Variants in CD320 observed in about 807,000 individuals in gnomAD.
CD320 encodes the protein CD320 molecule.
CD320 carries 16 observed loss-of-function variants against 22.1 expected under a neutral mutation model. The observed-to-expected ratio is 0.73, with a 90% CI of 0.49 to 1.10. The LOEUF (loss-of-function observed/expected upper bound fraction) is 1.10. Ranked by LOEUF, CD320 falls within the 50% of genes least tolerant of loss-of-function variation. The probability of loss-of-function intolerance (pLI) is 0.00; values close to 1 mark genes in which losing one functional copy is unlikely to be tolerated. For missense variants in CD320, 388 were observed against 376.9 expected, an observed-to-expected ratio of 1.03 and a Z score of -0.24; for synonymous variants, 188 against 167.8, an observed-to-expected ratio of 1.12 and a Z score of -0.93.
chr19:8,303,981 T>C lies in CD320; in HGVS notation c.376A>G (p.Asn126Asp). The C allele has an allele frequency of 6.3e-7, 1 of 1,577,252 alleles. No homozygotes were observed. The highest frequency in any genetic ancestry group is 8.6e-7 in the Non-Finnish European group (1 of 1,161,702). Residue 126 changes from asparagine (N) to aspartate (D), a missense_variant, in exon 3 of 5, where the codon AAC (asparagine) becomes GAC (aspartate). Physicochemically the swap from Asn to Asp is conservative, Grantham distance 23 (BLOSUM62 1). Coordinates refer to ENST00000301458, the MANE Select transcript of CD320 (RefSeq NM_016579.4). ...GCTAGGCAGGCCAGGCGGCTGCAGT[T>C]GCGCAGTTTCTTGTCAGTTCCCCCA... The part of the protein sequence containing the change: ...CSGGTDKKLR[N>D]CSRLACLAGE...
rs777346987 is a variant in CD320 at position 8,303,842 on chromosome 19, C to T, written c.502+13G>A. The T allele has an allele frequency of 5.1e-6, 8 of 1,564,850 alleles. No homozygotes were observed. The Admixed American group carries it at 9.1e-5, about 18-fold the overall frequency. ...TCTACCCACGAGTCCACCCCAGCCC[C>T]GCAGGTGCATACCACAGCCGAGCTC... On this transcript the variant is annotated intron_variant, in intron 3 of 4. Coordinates refer to ENST00000301458, the MANE Select transcript of CD320 (RefSeq NM_016579.4).
At position 8,302,384 on chromosome 19, in the gene CD320, G is replaced by T; in HGVS notation, c.*79C>A. The T allele has an allele frequency of 6.4e-7, 1 of 1,566,470 alleles. No homozygotes were observed. ...CAGGTCTCTGAGGGCTGGTGTGCCCGGGTACCCATCCGCATCACTGCTCTC... is the reference window on the plus strand; with the variant it reads ...CAGGTCTCTGAGGGCTGGTGTGCCCTGGTACCCATCCGCATCACTGCTCTC... On this transcript the variant is annotated 3_prime_UTR_variant, in exon 5 of 5. Transcript: ENST00000301458.
intron 1 of CD320, 147 bp from the exon 2 acceptor site, chr19:8,305,303 T>A: frequency 1.1e-6 from 1 of 946,294 alleles, no homozygotes; most frequent in Non-Finnish European, 1.6e-6. Flanking sequence ...ACTGAGCCCC[T>A]AGTACGAGTG....
intron 1 of CD320, 46 bp downstream of exon 1, chr19:8,308,103 G>T (rs1490876483): frequency 1.4e-6 from 2 of 1,429,482 alleles, no homozygotes; most frequent in Non-Finnish European, 1.8e-6. Context: ...GCGGCGGGGC[G>T]AAGCCTCGCG....
rs250511 is a variant in CD320, at chr19:8,302,620, T to C, written c.707-15A>G. The C allele has an allele frequency of 1.9e-6, 3 of 1,612,026 alleles. No individual in the cohort carries two copies. The highest frequency in any genetic ancestry group is 2.5e-6 in the Non-Finnish European group (3 of 1,178,770). On this transcript the variant is annotated splice_polypyrimidine_tract_variant and intron_variant, in intron 4 of 4. Transcript: ENST00000301458. The stretch of plus-strand genomic sequence containing the variant: ...ACTGAGCACCGCTGTGGGGAACAGA[T>C]GGACAGAGGAGTAAGGAGGGGGAAG...
rs56303780 is a variant in CD320 at position 8,303,258 on chromosome 19, A to C, written c.503-278T>G. On this transcript the variant is annotated intron_variant, in intron 3 of 4. Transcript: ENST00000301458. ...TAGCCTCCCGAGTAGCTGGGATTAC[A>C]GGTGCACGCCACCACGCCTAGCTAA... 0.15 allele frequency among the ~76,000 whole-genome samples: 23,088 copies of C among 151,786 alleles called. 2,192 individuals are homozygous for C. The highest frequency in any genetic ancestry group is 0.26 in the Admixed American group (3,903 of 15,220).
intron 2 of CD320, 27 bp downstream of exon 2, chr19:8,305,003 AG>A (rs769820143): frequency 1.2e-6 from 2 of 1,600,258 alleles, no homozygotes; most frequent in Non-Finnish European, 1.7e-6. Context: ...GCCCCCTGTA[AG>A]CCCCGCCAAG....
intron 2 of CD320, chr19:8,304,682 ATTTTTCTTTTTTTTTTC>A (rs1332585457): frequency 3.1e-4 from 57 of 181,996 alleles, no homozygotes; most frequent in East Asian, 1.8e-3. Flanking sequence ...CCTTTCTTTC[ATTTTTCTTTTTTTTTTC>A]TTTTTCTTTT....
chr19:8,306,759 G>A (rs1970094085), intron 1 of CD320, among the ~76,000 whole-genome samples: 1 of 152,198 alleles, frequency 6.6e-6, no homozygotes, highest in African/African-American at 2.4e-5. Context: ...GGGAGATCTG[G>A]CAGCCTCCAG....
intron 1 of CD320, chr19:8,305,392 G>A: frequency 2.1e-6 from 1 of 468,538 alleles, no homozygotes; most frequent in Non-Finnish European, 3.9e-6. Context: ...TACAGAGAAA[G>A]GAACCAAGAG....
At chr19:8,307,274 G>A (rs543888681) in intron 1 of CD320, among the ~76,000 whole-genome samples, 49 of 146,850 alleles carry the variant, frequency 3.3e-4, no homozygotes, top group African/African-American at 9.9e-4. Flanking sequence ...GGGCGACAGA[G>A]GGAGACTCAA....
At chr19:8,304,215 A>T (rs1053159833) in intron 2 of CD320, 127 bp from the exon 3 acceptor site, 3 of 627,952 alleles carry the variant, frequency 4.8e-6, no homozygotes, top group Non-Finnish European at 8.8e-6. Context: ...TCCCTTCCTA[A>T]GGCTCCGCCC....
In CD320 at chr19:8,306,395, C is replaced by A. The variant is rs563532230; in HGVS notation, c.143-1239G>T. On this transcript the variant is annotated intron_variant, in intron 1 of 4. Transcript: ENST00000301458. The stretch of plus-strand genomic sequence containing the variant: ...TCCAAGCTGGGTCCAGAGAAGATCC[C>A]GGCTGTCCTAGATTCTGAGCAGGGA... 1.8e-3 allele frequency among the ~76,000 whole-genome samples: 280 copies of A among 152,250 alleles called. 2 individuals are homozygous for A. Among genetic ancestry groups the A allele is most frequent in the African/African-American group, 6.4e-3 (265 of 41,540 alleles).
intron 2 of CD320, 68 bp downstream of exon 2, chr19:8,304,963 C>G: frequency 1.9e-6 from 3 of 1,577,724 alleles, no homozygotes; most frequent in South Asian, 1.1e-5. Flanking sequence ...CTCCGCGTGC[C>G]TGGCCCCTGA....
At position 8,302,156 on chromosome 19, in the gene CD320, C is replaced by T; in HGVS notation, c.*307G>A. 1 of 548,328 alleles carries T rather than the reference C, an allele frequency of 1.8e-6. No individual in the cohort carries two copies. Among genetic ancestry groups the T allele is most frequent in the South Asian group, 1.5e-5 (1 of 64,534 alleles). 34.0% of individuals were successfully genotyped at this position (548,328 alleles called of 1,614,324 possible). A position where few individuals can be genotyped will look rare whatever the true frequency, so the allele number is the denominator to read the frequency against. ...ATGTGAAGCAACTTTAATTGCCACC[C>T]TCAGACGGGGCAGCAGGAGTGTCTT... On this transcript the variant is annotated 3_prime_UTR_variant, in exon 5 of 5. Coordinates refer to ENST00000301458, the MANE Select transcript of CD320 (RefSeq NM_016579.4).
intron 1 of CD320, among the ~76,000 whole-genome samples, chr19:8,307,295 A>AG (rs1568559019): frequency 2.0e-5 from 3 of 151,040 alleles, no homozygotes; most frequent in Admixed American, 1.3e-4. Context: ...AAAAAAAAAA[A>AG]CAAAAACTTT....
In CD320 at chr19:8,305,101, T is replaced by A; in HGVS notation, c.198A>T (p.Leu66Phe). Residue 66 changes from leucine (L) to phenylalanine (F), a missense_variant, in exon 2 of 5, where the codon TTA becomes TTT. Physicochemically the swap from Leu to Phe is conservative, Grantham distance 22 (BLOSUM62 0). Coordinates refer to ENST00000301458, the MANE Select transcript of CD320 (RefSeq NM_016579.4). ...CGCAGCGCCAGGTGAGGGGCACGCATAAGCCACTGGTGCGGCACTGGAACT... is the reference window on the plus strand; with the variant it reads ...CGCAGCGCCAGGTGAGGGGCACGCAAAAGCCACTGGTGCGGCACTGGAACT... ...PTKFQCRTSG[L>F]CVPLTWRCDR... 6.2e-7 allele frequency: 1 copy of A among 1,613,202 alleles called. No homozygotes were observed. The highest frequency in any genetic ancestry group is 8.5e-7 in the Non-Finnish European group (1 of 1,179,834).
Position 8,305,154 on chromosome 19 carries a change from G to C in CD320, c.145C>G (p.Pro49Ala), listed in dbSNP as rs1013304583. ...STPTSAQAAG[P>A]SSGSCPPTKF... ...GTGGGTGGGCACGAGCCTGAGCTGG[G>C]GCCTGCGAGATGGATGCAAATGAAG... The change falls in exon 2 of 5, where the codon CCC (proline) becomes GCC (alanine). Residue 49 changes from proline to alanine, a missense_variant and splice_region_variant. Coordinates refer to ENST00000301458, the MANE Select transcript of CD320 (RefSeq NM_016579.4). 1.9e-6 allele frequency: 3 copies of C among 1,600,638 alleles called. No homozygotes were observed. The Admixed American group carries it at 5.2e-5, about 28-fold the overall frequency.
In CD320 at chr19:8,303,133, TG is replaced by T. The variant is rs1339817620; in HGVS notation, c.503-154del. Among the ~76,000 whole-genome samples the T allele has an allele frequency of 2.3e-3, 338 of 148,848 alleles. 2 individuals carry two copies. The highest frequency in any genetic ancestry group is 7.4e-3 in the African/African-American group (298 of 40,204). On this transcript the variant is annotated intron_variant, in intron 3 of 4. Coordinates refer to ENST00000301458, the MANE Select transcript of CD320 (RefSeq NM_016579.4). ...TTATGTCTTTTTTTTTTTTTTTTTT[TG>T]GAGAGGGAGTCTGGCTCTGCCACCC...
Sources: gnomAD v4.1 joint callset for allele counts (sites outside exome capture counted in the v4.1 genomes callset) on GRCh38, gnomAD v4.1.1 for gene constraint, MANE v1.5 for transcripts, NCBI Gene and HGNC (gene_info 2026-07-23, HGNC 2026-07-21) for gene names.